IGF2: variants seen among roughly 807,000 people sequenced by gnomAD.
The protein encoded by IGF2 is insulin like growth factor 2.
A neutral mutation model predicts 12.0 loss-of-function variants in IGF2; 2 were observed. The observed-to-expected ratio is 0.17, with a 90% confidence interval of 0.07 to 0.52. The LOEUF is 0.52. Among genes scored for constraint, IGF2 ranks in the 20% least tolerant of loss-of-function variants. The pLI is 0.95. For synonymous variants in IGF2, 105 were observed against 110.1 expected (o/e 0.95, Z 0.29); for missense variants, 211 against 268.0 (o/e 0.79, Z 1.48).
intron 1 of IGF2, among the ~76,000 whole-genome samples, chr11:2,137,780 G>A (rs943691610): frequency 2.0e-5 from 3 of 152,072 alleles, no homozygotes; most frequent in African/African-American, 4.8e-5. Flanking sequence ...TCCTGGCCCC[G>A]CCCACCCCCG....
chr11:2,144,539 G>A (rs1228295993), upstream of IGF2, among the ~76,000 whole-genome samples: 2 of 152,258 alleles, frequency 1.3e-5, no homozygotes, highest in Non-Finnish European at 2.9e-5. Context: ...CCGGGAGGAG[G>A]GGGGTGCAGG....
At chr11:2,142,205 AT>A (rs1313029777), upstream of IGF2, among the ~76,000 whole-genome samples, 2 of 121,568 alleles carry the variant, frequency 1.6e-5, no homozygotes, top group Non-Finnish European at 3.5e-5. The surrounding 1 kb of genome is among the most constrained non-coding windows in gnomAD (Gnocchi z 5.7). Flanking sequence ...ATAAATCAGT[AT>A]TAAAAAAAAA....
At chr11:2,136,636 G>A (rs1478926924) in intron 1 of IGF2, among the ~76,000 whole-genome samples, 3 of 152,262 alleles carry the variant, frequency 2.0e-5, no homozygotes, top group African/African-American at 7.2e-5. Context: ...AATTATGTGA[G>A]CGACTGAGCA....
At chr11:2,149,232 A>G in the IGF2 span, 4 of 1,613,410 alleles carry the variant, frequency 2.5e-6, no homozygotes, top group Non-Finnish European at 3.4e-6. Flanking sequence ...CTGGACGATG[A>G]TCCGCCGGCC....
upstream of IGF2, chr11:2,140,525 G>A (rs1238950116): frequency 3.7e-6 from 2 of 543,564 alleles, no homozygotes; most frequent in Non-Finnish European, 6.5e-6. Flanking sequence ...TAGGCCCGCG[G>A]GCTAGAGGCA....
At chr11:2,148,060 C>T in the IGF2 span, 15 of 371,230 alleles carry the variant, frequency 4.0e-5, no homozygotes, top group Middle Eastern at 1.4e-3. The surrounding 1 kb of genome is among the most constrained non-coding windows in gnomAD (Gnocchi z 4.3). Flanking sequence ...ATGGAGAGGC[C>T]GAGACCCTTC....
At chr11:2,148,980 C>T in the IGF2 span, 1 of 730,314 alleles carries the variant, frequency 1.4e-6, no homozygotes, top group African/African-American at 1.8e-5. This position sits in a 1 kb window ranked among gnomAD's most constrained non-coding sequence, Gnocchi z 4.3. Context: ...TCTCAGGAGG[C>T]TTCCCTGCAC....
Position 2,133,109 on chromosome 11 carries a change from C to T in IGF2, c.421G>A (p.Val141Met), listed in dbSNP as rs375129654. 3.0e-5 allele frequency: 49 copies of T among 1,607,202 alleles called. No individual in the cohort carries two copies. Among genetic ancestry groups the T allele is most frequent in the Middle Eastern group, 1.7e-4 (1 of 6,042 alleles). The change falls in exon 4 of 4, where the codon GTG (valine) becomes ATG (methionine). Residue 141 changes from valine to methionine, a missense_variant. Coordinates refer to ENST00000416167, the MANE Select transcript of IGF2 (RefSeq NM_000612.6). The surrounding 1 kb of genome is among the most constrained non-coding windows in gnomAD (Gnocchi z 8.9). ...PALLRARRGH[V>M]LAKELEAFRE... The stretch of plus-strand genomic sequence containing the variant: ...AACGCCTCGAGCTCCTTGGCGAGCA[C>T]GTGACCCCGGCGGGCACGCAGGAGG...
chr11:2,139,046 G>T lies in IGF2; in HGVS notation c.-824C>A. On this transcript the variant is annotated 5_prime_UTR_variant, in exon 1 of 4. Coordinates refer to ENST00000416167, the MANE Select transcript of IGF2 (RefSeq NM_000612.6). The stretch of plus-strand genomic sequence containing the variant: ...GGCCCGAGGCTGCGCGCCGGGGGGA[G>T]GGCTGGAGGGGGAGCGCGGGGGGGG... 6 of 563,980 alleles carry T rather than the reference G, an allele frequency of 1.1e-5. No individual in the cohort carries two copies. Among genetic ancestry groups the T allele is most frequent in the Non-Finnish European group, 1.3e-5 (6 of 457,162 alleles). 34.9% of individuals were successfully genotyped at this position (563,980 alleles called of 1,614,324 possible).
rs1407255782 is a variant in IGF2 at position 2,129,596 on chromosome 11, G to C, written c.*3391C>G. 5 of 230,316 alleles carry C rather than the reference G, an allele frequency of 2.2e-5. No homozygotes were observed. In the South Asian group the frequency reaches 7.3e-4, roughly 34 times the overall value. The allele number at this position is 230,316 out of a possible 1,614,324, so 14.3% of individuals were successfully genotyped here. On this transcript the variant is annotated 3_prime_UTR_variant, in exon 4 of 4. Transcript: ENST00000416167. The surrounding 1 kb of genome is among the most constrained non-coding windows in gnomAD (Gnocchi z 8.1). ...GCGTTTTGGATCTCAGGCCAATGTG[G>C]GTTCCACAATTGTGACAATTTGGCT... is the stretch of plus-strand genomic sequence containing the variant.
chr11:2,132,773 T>C lies in IGF2; in HGVS notation c.*214A>G, dbSNP rs1269161054. On this transcript the variant is annotated 3_prime_UTR_variant, in exon 4 of 4. Transcript: ENST00000416167. ...GTTTAAAGCCAATCGATTTTGTACA[T>C]GTTTGAAGATGCTGCTGTGCTTCCT... 4.0e-6 allele frequency: 2 copies of C among 505,168 alleles called. No individual in the cohort carries two copies. The highest frequency in any genetic ancestry group is 6.0e-5 in the Admixed American group (2 of 33,470). The allele number at this position is 505,168 out of a possible 1,614,324, so 31.3% of individuals were successfully genotyped here.
chr11:2,140,277 T>G (rs751750987), upstream of IGF2: 2 of 1,612,666 alleles, frequency 1.2e-6, no homozygotes, highest in Non-Finnish European at 1.7e-6. Flanking sequence ...CACGATAATT[T>G]GGGGGTCTGG....
At position 2,130,508 on chromosome 11, in the gene IGF2, G is replaced by T. The variant is rs1043213824; in HGVS notation, c.*2479C>A. The T allele has an allele frequency of 7.7e-5, 16 of 207,208 alleles. No homozygotes were observed. Among genetic ancestry groups the T allele is most frequent in the Admixed American group, 2.5e-4 (4 of 15,726 alleles). The allele number at this position is 207,208 out of a possible 1,614,324, so 12.8% of individuals were successfully genotyped here. A position where few individuals can be genotyped will look rare whatever the true frequency, so the allele number is the denominator to read the frequency against. On this transcript the variant is annotated 3_prime_UTR_variant, in exon 4 of 4. Coordinates refer to ENST00000416167, the MANE Select transcript of IGF2 (RefSeq NM_000612.6). Reference sequence around the variant, plus strand: ...GCTGGCTTCGTGCGTTCTTGCTTTTGTCACTGCCCCCCTGTTACATGGGGG... The same window carrying T: ...GCTGGCTTCGTGCGTTCTTGCTTTTTTCACTGCCCCCCTGTTACATGGGGG...
chr11:2,149,279 G>T, the IGF2 span: 42 of 1,613,540 alleles, frequency 2.6e-5, no homozygotes, highest in Non-Finnish European at 8.5e-7. Flanking sequence ...AGCAGGGGGT[G>T]CCCTGGCTGT....
chr11:2,147,453 G>A, the IGF2 span: 5 of 443,852 alleles, frequency 1.1e-5, no homozygotes, highest in South Asian at 1.3e-4. This position sits in a 1 kb window ranked among gnomAD's most constrained non-coding sequence, Gnocchi z 7.2. Flanking sequence ...CTGAATCCAC[G>A]CCAGCCTCTC....
upstream of IGF2, among the ~76,000 whole-genome samples, chr11:2,142,814 C>T (rs995961403): frequency 6.6e-6 from 1 of 152,158 alleles, no homozygotes; most frequent in Admixed American, 6.5e-5. This position sits in a 1 kb window ranked among gnomAD's most constrained non-coding sequence, Gnocchi z 5.7. Flanking sequence ...AGGCTCTGCC[C>T]AAGGGGTCCT....
chr11:2,140,134 C>T, upstream of IGF2: 1 of 1,612,476 alleles, frequency 6.2e-7, no homozygotes. Flanking sequence ...TCAAATCCTA[C>T]CTGCATGGCC....
chr11:2,139,491 C>A (rs2133610119), upstream of IGF2: 1 of 144,444 alleles, frequency 6.9e-6, no homozygotes, highest in African/African-American at 2.5e-5. Context: ...TGGGCGCCCG[C>A]GGAGCCCTCG....
At position 2,133,386 on chromosome 11, in the gene IGF2, C is replaced by T. The variant is rs1858757109; in HGVS notation, c.306+131G>A. ...GCCAGCGTCTGAGCTGCTCCCGGGCCACACAGCAAGCAAGGAAGTCACGGG... is the reference window on the plus strand; with the variant it reads ...GCCAGCGTCTGAGCTGCTCCCGGGCTACACAGCAAGCAAGGAAGTCACGGG... On this transcript the variant is annotated intron_variant, in intron 3 of 3. Transcript: ENST00000416167. The surrounding 1 kb of genome is among the most constrained non-coding windows in gnomAD (Gnocchi z 8.9). The T allele has an allele frequency of 8.8e-7, 1 of 1,141,642 alleles. No homozygotes were observed. Among genetic ancestry groups the T allele is most frequent in the Non-Finnish European group, 1.2e-6 (1 of 815,696 alleles). The allele number at this position is 1,141,642 out of a possible 1,614,324, so 70.7% of individuals were successfully genotyped here.
Sources: gnomAD v4.1 joint callset for allele counts (sites outside exome capture counted in the v4.1 genomes callset) on GRCh38, gnomAD v4.1.1 for gene constraint, Gnocchi (gnomAD v3.1) non-coding constraint, MANE v1.5 for transcripts, NCBI Gene and HGNC (gene_info 2026-07-23, HGNC 2026-07-21) for gene names.